The following CORIN variants were observed in gnomAD, a reference collection of about 807,000 sequenced individuals.
CORIN encodes the protein atrial natriuretic peptide-converting enzyme.
In CORIN, 117 loss-of-function variants were observed where a neutral mutation model predicts 125.3. The ratio of observed to expected loss-of-function variants is 0.93; its 90% CI spans 0.80 to 1.09. The LOEUF (loss-of-function observed/expected upper bound fraction) is 1.09. Ranked by LOEUF, CORIN falls within the 50% of genes least tolerant of loss-of-function variation. The pLI is 0.00. For synonymous variants in CORIN, 450 were observed against 466.4 expected (o/e 0.96, Z 0.45); for missense variants, 1,253 against 1,306.7 (o/e 0.96, Z 0.63).
At chr4:47,751,459 C>T (rs1728896485) in intron 4 of CORIN, among the ~76,000 whole-genome samples, 1 of 152,200 alleles carries the variant, frequency 6.6e-6, no homozygotes, top group Admixed American at 6.5e-5. Flanking sequence ...ATTTTCCCTT[C>T]TCTCCCATTT....
chr4:47,626,036 A>G (rs6818432), intron 17 of CORIN, among the ~76,000 whole-genome samples: 19,650 of 152,096 alleles, frequency 0.13, 1,555 homozygotes, highest in African/African-American at 0.22. Context: ...AGACATTCCA[A>G]GTTTTCTTAG....
In CORIN at chr4:47,600,337, C is replaced by G; in HGVS notation, c.2823G>C (p.Lys941Asn). The G allele has an allele frequency of 6.2e-7, 1 of 1,611,068 alleles. No individual in the cohort carries two copies. The highest frequency in any genetic ancestry group is 8.5e-7 in the Non-Finnish European group (1 of 1,178,488). Reference sequence around the variant, plus strand: ...TAATGCGGACCTCTCCCTCTTGCAGCTTAAATGGCACTGAATTTTTAAAAA... The same window carrying G: ...TAATGCGGACCTCTCCCTCTTGCAGGTTAAATGGCACTGAATTTTTAAAAA... The part of the protein sequence containing the change: ...WGHMGNKMPF[K>N]LQEGEVRIIS... Residue 941 changes from lysine (K) to asparagine (N), a missense_variant, in exon 21 of 22, where the codon AAG (lysine) becomes AAC (asparagine). Transcript: ENST00000273857.
intron 5 of CORIN, among the ~76,000 whole-genome samples, chr4:47,733,663 T>C (rs1184695994): frequency 6.6e-6 from 1 of 152,214 alleles, no homozygotes; most frequent in Non-Finnish European, 1.5e-5. Context: ...CTCAGCATGA[T>C]TGATAGGTCC....
intron 4 of CORIN, among the ~76,000 whole-genome samples, chr4:47,749,146 C>T (rs1295481971): frequency 6.6e-6 from 1 of 151,896 alleles, no homozygotes; most frequent in Non-Finnish European, 1.5e-5. Context: ...ATCTTTGTGA[C>T]AGGTGGACTT....
chr4:47,802,464 G>A (rs894170585), intron 2 of CORIN, among the ~76,000 whole-genome samples: 2 of 152,176 alleles, frequency 1.3e-5, no homozygotes, highest in Admixed American at 1.3e-4. Context: ...AACATCAGTG[G>A]TGGCCTGGCA....
intron 16 of CORIN, among the ~76,000 whole-genome samples, chr4:47,628,789 T>A (rs1161013417): frequency 6.6e-6 from 1 of 152,172 alleles, no homozygotes; most frequent in Non-Finnish European, 1.5e-5. Flanking sequence ...AATGGCAGAA[T>A]TTCCTTCTAA....
chr4:47,750,114 T>G (rs1482098194), intron 4 of CORIN, among the ~76,000 whole-genome samples: 1 of 152,066 alleles, frequency 6.6e-6, no homozygotes, highest in Non-Finnish European at 1.5e-5. Context: ...CAAATAACAA[T>G]AGATGGCTTG....
chr4:47,670,007 A>G (rs558181343), intron 10 of CORIN, among the ~76,000 whole-genome samples: 1 of 152,210 alleles, frequency 6.6e-6, no homozygotes, highest in South Asian at 2.1e-4. Flanking sequence ...TTTTCTTTAT[A>G]ATTTAACTAT....
chr4:47,602,194 C>T (rs1010427508), intron 20 of CORIN, among the ~76,000 whole-genome samples: 4 of 152,160 alleles, frequency 2.6e-5, no homozygotes, highest in Non-Finnish European at 4.4e-5. Context: ...TCACTTGAAC[C>T]TGGGAGGTGG....
At chr4:47,765,023 T>C (rs925178983) in intron 3 of CORIN, among the ~76,000 whole-genome samples, 1 of 151,934 alleles carries the variant, frequency 6.6e-6, no homozygotes, top group African/African-American at 2.4e-5. Context: ...ATAGAAAACA[T>C]CCTAGGGGCC....
chr4:47,797,097 T>A (rs1167674877), intron 2 of CORIN, among the ~76,000 whole-genome samples: 96 of 152,022 alleles, frequency 6.3e-4, no homozygotes, highest in African/African-American at 2.2e-3. Context: ...CAATACATAT[T>A]TGTTAAAGGG....
chr4:47,731,479 G>A (rs944838357), intron 5 of CORIN, among the ~76,000 whole-genome samples: 7 of 152,120 alleles, frequency 4.6e-5, no homozygotes, highest in Admixed American at 1.3e-4. Flanking sequence ...GAAATGAGGC[G>A]AAAACACAAA....
intron 5 of CORIN, among the ~76,000 whole-genome samples, chr4:47,742,062 A>G (rs1426750538): frequency 6.6e-6 from 1 of 152,026 alleles, no homozygotes. Context: ...ATAGTATGTG[A>G]ATGATCTCAG....
rs559007910 is a variant in CORIN at position 47,772,248 on chromosome 4, G to A, written c.410-8662C>T. Among the ~76,000 whole-genome samples the A allele has an allele frequency of 1.1e-4, 16 of 152,312 alleles. 1 individual carries two copies. Among genetic ancestry groups the A allele is most frequent in the African/African-American group, 3.4e-4 (14 of 41,568 alleles). On this transcript the variant is annotated intron_variant, in intron 3 of 21. Transcript: ENST00000273857. ...TCAAGAAACTACTTACTGTGACAAT[G>A]CTTTAACACAGTGAGGGGTCAAGGT...
rs1302352493 is a variant in CORIN, at chr4:47,643,003, A to G, written c.2068+143T>C. The G allele has an allele frequency of 4.5e-6, 7 of 1,539,900 alleles. No homozygotes were observed. The East Asian group carries it at 1.7e-4, about 38-fold the overall frequency. ...TGTGAGTTGGAAATAACACACATAG[A>G]TCAGCACTATCAGCTTTTATAACAG... On this transcript the variant is annotated intron_variant, in intron 15 of 21. Transcript: ENST00000273857.
chr4:47,827,093 G>T (rs1401245124), intron 1 of CORIN, among the ~76,000 whole-genome samples: 1 of 151,922 alleles, frequency 6.6e-6, no homozygotes, highest in African/African-American at 2.4e-5. Context: ...TACATCTGTG[G>T]CTAACATTAT....
At chr4:47,758,529 T>C (rs1388221703) in intron 4 of CORIN, among the ~76,000 whole-genome samples, 2 of 152,116 alleles carry the variant, frequency 1.3e-5, no homozygotes, top group Non-Finnish European at 2.9e-5. Flanking sequence ...ACCAAGCCTA[T>C]TAAAAAAACA....
chr4:47,625,138 T>C (rs1434512808), intron 17 of CORIN, among the ~76,000 whole-genome samples: 2 of 152,150 alleles, frequency 1.3e-5, no homozygotes, highest in Non-Finnish European at 2.9e-5. Context: ...ATTTATAATC[T>C]TTATTTTCAC....
At chr4:47,724,129 A>AGGG (rs1727481862) in intron 5 of CORIN, among the ~76,000 whole-genome samples, 1 of 152,200 alleles carries the variant, frequency 6.6e-6, no homozygotes, top group Non-Finnish European at 1.5e-5. Flanking sequence ...AGCAGCTGTA[A>AGGG]TAACCATACT....
Sources: allele counts gnomAD v4.1 joint callset (sites outside exome capture counted in the v4.1 genomes callset), GRCh38; gene constraint gnomAD v4.1.1; transcripts MANE v1.5; gene names NCBI Gene and HGNC (gene_info 2026-07-23, HGNC 2026-07-21).